The following DNER variants were observed in gnomAD, a reference collection of about 807,000 sequenced individuals.
DNER encodes delta/notch like EGF repeat containing.
Under a neutral mutation model 78.2 loss-of-function variants are expected in DNER, and 33 were observed. The ratio of observed to expected loss-of-function variants is 0.42; its 90% CI spans 0.32 to 0.56. DNER has a LOEUF of 0.56. Among genes scored for constraint, DNER ranks in the 20% least tolerant of loss-of-function variants. The pLI, the probability that DNER is intolerant of heterozygous loss-of-function variation, is 0.11. For missense variants in DNER, 918 were observed against 975.3 expected (o/e 0.94, Z 0.78); for synonymous variants, 417 against 384.8 (o/e 1.08, Z -0.98).
chr2:229,467,840 A>G (rs1201246394), intron 7 of DNER, among the ~76,000 whole-genome samples: 1 of 152,240 alleles, frequency 6.6e-6, no homozygotes, highest in Non-Finnish European at 1.5e-5. Flanking sequence ...CAAGAAAAAA[A>G]ATAAAAATAA....
chr2:229,634,197 T>C (rs1028108464), intron 1 of DNER, among the ~76,000 whole-genome samples: 10 of 152,196 alleles, frequency 6.6e-5, no homozygotes, highest in African/African-American at 2.4e-4. Flanking sequence ...CAAATATGCA[T>C]ATAGAATAAG....
At chr2:229,610,960 A>G (rs1243326522) in intron 1 of DNER, among the ~76,000 whole-genome samples, 1 of 152,266 alleles carries the variant, frequency 6.6e-6, no homozygotes, top group Non-Finnish European at 1.5e-5. Context: ...TATTTCACAA[A>G]CTACTAGCTA....
At chr2:229,492,622 TGA>T (rs1695425427) in intron 6 of DNER, among the ~76,000 whole-genome samples, 1 of 152,116 alleles carries the variant, frequency 6.6e-6, no homozygotes, top group Non-Finnish European at 1.5e-5. Flanking sequence ...CACACAGAGG[TGA>T]GTTCTGAGGT....
intron 10 of DNER, among the ~76,000 whole-genome samples, chr2:229,404,659 A>G (rs1379917231): frequency 6.6e-6 from 1 of 152,168 alleles, no homozygotes; most frequent in Non-Finnish European, 1.5e-5. Context: ...TATTTAAAGA[A>G]GGAAAGGAGA....
At chr2:229,564,669 C>CCAT (rs768793414) in intron 4 of DNER, among the ~76,000 whole-genome samples, 2 of 149,192 alleles carry the variant, frequency 1.3e-5, no homozygotes, top group African/African-American at 5.0e-5. Flanking sequence ...CACCCCGTCA[C>CCAT]CATCATCATC....
At chr2:229,458,435 T>C (rs1488848313) in intron 7 of DNER, among the ~76,000 whole-genome samples, 2 of 151,924 alleles carry the variant, frequency 1.3e-5, no homozygotes, top group Non-Finnish European at 2.9e-5. Flanking sequence ...TCTTAGTAAC[T>C]GACAGAATCA....
At position 229,567,656 on chromosome 2, in the gene DNER, A is replaced by C. The variant is rs927275601; in HGVS notation, c.847+18202T>G. On this transcript the variant is annotated intron_variant, in intron 4 of 12. Transcript: ENST00000341772. The stretch of plus-strand genomic sequence containing the variant: ...AGAGCCCCAAGCCAATTTAGGTAGA[A>C]GGCCTCATTCTAAACCACGCCTTGC... 3.9e-5 allele frequency among the ~76,000 whole-genome samples: 6 copies of C among 152,218 alleles called. No homozygotes were observed. In the East Asian group the frequency reaches 9.6e-4, roughly 24 times the overall value.
Position 229,358,375 on chromosome 2 carries a change from T to C in DNER, c.*165A>G. 1 of 585,038 alleles carries C rather than the reference T, an allele frequency of 1.7e-6. No individual in the cohort carries two copies. Among genetic ancestry groups the C allele is most frequent in the Non-Finnish European group, 2.8e-6 (1 of 356,508 alleles). 36.2% of individuals were successfully genotyped at this position (585,038 alleles called of 1,614,324 possible). On this transcript the variant is annotated 3_prime_UTR_variant, in exon 13 of 13. Coordinates refer to ENST00000341772, the MANE Select transcript of DNER (RefSeq NM_139072.4). ...CTATAGGTTTCACAAATTTTGTTTT[T>C]AAAATATTTTTTCCAAACTAAAAGC... is the stretch of plus-strand genomic sequence containing the variant.
At chr2:229,377,613 A>G (rs1692637418) in intron 11 of DNER, among the ~76,000 whole-genome samples, 1 of 152,198 alleles carries the variant, frequency 6.6e-6, no homozygotes, top group African/African-American at 2.4e-5. Context: ...GATCGATTCT[A>G]TTAGGATGGT....
intron 4 of DNER, among the ~76,000 whole-genome samples, chr2:229,550,179 G>C (rs1245069199): frequency 6.6e-6 from 1 of 151,130 alleles, no homozygotes; most frequent in African/African-American, 2.5e-5. Flanking sequence ...TTTTAGTAGA[G>C]ACGGGATTTC....
intron 1 of DNER, among the ~76,000 whole-genome samples, chr2:229,662,202 C>G (rs528366333): frequency 1.3e-5 from 2 of 152,270 alleles, no homozygotes; most frequent in African/African-American, 4.8e-5. Flanking sequence ...CGAACTGGGA[C>G]AGAACTTTCA....
intron 5 of DNER, among the ~76,000 whole-genome samples, chr2:229,522,196 C>G (rs1237055652): frequency 6.6e-6 from 1 of 152,176 alleles, no homozygotes; most frequent in African/African-American, 2.4e-5. Context: ...GTTTACTTTA[C>G]TACCCAGGGG....
intron 4 of DNER, among the ~76,000 whole-genome samples, chr2:229,573,051 T>A (rs1697243174): frequency 1.3e-5 from 2 of 152,168 alleles, no homozygotes. Context: ...AGGATGCAGA[T>A]AAATGAGCAG....
intron 7 of DNER, among the ~76,000 whole-genome samples, chr2:229,470,263 T>C (rs1270981176): frequency 6.6e-6 from 1 of 152,126 alleles, no homozygotes; most frequent in East Asian, 1.9e-4. Context: ...CATTTAAGTA[T>C]TCATTCATTC....
At chr2:229,425,129 G>C (rs1693844867) in intron 8 of DNER, among the ~76,000 whole-genome samples, 1 of 152,130 alleles carries the variant, frequency 6.6e-6, no homozygotes, top group Admixed American at 6.5e-5. Flanking sequence ...TTGTGGGTTT[G>C]ACATAACACA....
intron 11 of DNER, among the ~76,000 whole-genome samples, chr2:229,386,215 T>C (rs1445126786): frequency 1.3e-5 from 2 of 152,184 alleles, no homozygotes; most frequent in Non-Finnish European, 2.9e-5. Flanking sequence ...AAACAAGCAT[T>C]GGTGAAAGGA....
intron 11 of DNER, among the ~76,000 whole-genome samples, chr2:229,375,337 A>G (rs1277120736): frequency 6.6e-6 from 1 of 152,226 alleles, no homozygotes; most frequent in Non-Finnish European, 1.5e-5. Context: ...TAAGGCTCAG[A>G]GACCTTGTTT....
At chr2:229,637,255 G>T (rs1230047264) in intron 1 of DNER, among the ~76,000 whole-genome samples, 1 of 152,110 alleles carries the variant, frequency 6.6e-6, no homozygotes, top group African/African-American at 2.4e-5. Flanking sequence ...GTTGAATGGG[G>T]TATTTAAAGT....
intron 4 of DNER, among the ~76,000 whole-genome samples, chr2:229,561,844 T>G (rs541881287): frequency 3.3e-5 from 5 of 152,318 alleles, no homozygotes; most frequent in Non-Finnish European, 5.9e-5. Context: ...GAGTTTTTGC[T>G]GTGAACTGGG....
Sources: gnomAD v4.1 joint callset for allele counts (sites outside exome capture counted in the v4.1 genomes callset) on GRCh38, gnomAD v4.1.1 for gene constraint, MANE v1.5 for transcripts, NCBI Gene and HGNC (gene_info 2026-07-23, HGNC 2026-07-21) for gene names.